Variants in FARP1 observed in about 807,000 individuals in gnomAD.
FARP1 encodes FERM, ARHGEF and pleckstrin domain-containing protein 1.
In FARP1, 52 loss-of-function variants were observed where a neutral mutation model predicts 128.8. The observed-to-expected ratio is 0.40, with a 90% CI of 0.32 to 0.51. The LOEUF (loss-of-function observed/expected upper bound fraction) is 0.51, where lower values mean the gene tolerates loss of function less well. FARP1 is among the 20% of genes least tolerant of loss of function. FARP1 has a pLI of 0.45. For synonymous variants in FARP1, 580 were observed against 551.8 expected, an observed-to-expected ratio of 1.05 and a Z score of -0.72; for missense variants, 1,333 against 1,367.9, an observed-to-expected ratio of 0.97 and a Z score of 0.40.
At chr13:98,398,680 A>T (rs536334887) in intron 13 of FARP1, 16 of 152,354 alleles carry the variant, frequency 1.1e-4, no homozygotes, top group African/African-American at 3.6e-4. Context: ...CAGTTATAAC[A>T]CATTTTTGCA....
chr13:98,409,980 C>T lies in FARP1; in HGVS notation c.1602+455C>T, dbSNP rs142174357. Among the ~76,000 whole-genome samples the T allele has an allele frequency of 3.4e-3, 517 of 152,352 alleles. 1 individual carries two copies. The highest frequency in any genetic ancestry group is 6.0e-3 in the Non-Finnish European group (405 of 68,038). Reference sequence around the variant, plus strand: ...GATGTCCCGCTGTGTGTATAAACCACACTTTGTTATCCATTCTTCTGTTAA... The same window carrying T: ...GATGTCCCGCTGTGTGTATAAACCATACTTTGTTATCCATTCTTCTGTTAA... On this transcript the variant is annotated intron_variant, in intron 14 of 26. Coordinates refer to ENST00000319562, the MANE Select transcript of FARP1 (RefSeq NM_005766.4).
At chr13:98,310,213 GTCCTAGACCGGA>G (rs1358001613) in intron 2 of FARP1, among the ~76,000 whole-genome samples, 2 of 152,048 alleles carry the variant, frequency 1.3e-5, no homozygotes, top group Admixed American at 1.3e-4. Flanking sequence ...AGCTTTGACA[GTCCTAGACCGGA>G]TCCCATCACT....
chr13:98,379,022 TA>T lies in FARP1; in HGVS notation c.496+1106del, dbSNP rs1177957300. 1.4e-4 allele frequency among the ~76,000 whole-genome samples: 11 copies of T among 79,982 alleles called. 2 individuals carry two copies. Among genetic ancestry groups the T allele is most frequent in the African/African-American group, 8.2e-4 (11 of 13,414 alleles). The allele number at this position is 79,982 out of a possible 152,430, so 52.5% of individuals were successfully genotyped here. ...ATATATACAATATATAATCTATATA[TA>T]ATATATATAATATATACAATATGTA... On this transcript the variant is annotated intron_variant, in intron 6 of 26. Transcript: ENST00000319562.
chr13:98,232,145 G>GTTTTTTTTTTTTTTTTTTTTTT lies in FARP1; in HGVS notation c.171+18753_171+18754insTTTTTTTTTTTTTTTTTTTTTT, dbSNP rs59209045. Among the ~76,000 whole-genome samples the GTTTTTTTTTTTTTTTTTTTTTT allele has an allele frequency of 6.6e-5, 7 of 105,784 alleles. 1 individual carries two copies. The highest frequency in any genetic ancestry group is 2.3e-4 in the African/African-American group (6 of 26,122). The allele number at this position is 105,784 out of a possible 152,430, so 69.4% of individuals were successfully genotyped here. On this transcript the variant is annotated intron_variant, in intron 2 of 26. Transcript: ENST00000319562. Reference sequence around the variant, plus strand: ...GTGCCCGGCTTTTTTTGTTTGGTTGGTTTTTTTTTTTTTTTTTTTTTGCTT... The same window carrying GTTTTTTTTTTTTTTTTTTTTTT: ...GTGCCCGGCTTTTTTTGTTTGGTTGGTTTTTTTTTTTTTTTTTTTTTTTTTTTTTTTTTTTTTTTTTTTGCTT...
chr13:98,337,849 C>CT lies in FARP1; in HGVS notation c.172-5906dup, dbSNP rs146838151. On this transcript the variant is annotated intron_variant, in intron 2 of 26. Transcript: ENST00000319562. ...ATTTCCAAAGATGTTCAGTTTATTC[C>CT]TTTTTTTGCCAGACATATAAAAGAG... 7.7e-3 allele frequency among the ~76,000 whole-genome samples: 1,174 copies of CT among 152,026 alleles called. 19 individuals carry two copies. Among genetic ancestry groups the CT allele is most frequent in the African/African-American group, 0.026 (1,095 of 41,448 alleles).
In FARP1 at chr13:98,410,783, C is replaced by A; in HGVS notation, c.1652C>A (p.Thr551Asn). 1 of 1,605,112 alleles carries A rather than the reference C, an allele frequency of 6.2e-7. No homozygotes were observed. Among genetic ancestry groups the A allele is most frequent in the Non-Finnish European group, 8.5e-7 (1 of 1,173,914 alleles). ...TTCATAGCTAAGGAAGTGTCTACCA[C>A]CGAGCGAACATATCTGAAGGATCTC... Reference protein sequence around the residue: ...AYFIAKEVSTTERTYLKDLEV... With the variant: ...AYFIAKEVSTNERTYLKDLEV... Residue 551 changes from threonine (T) to asparagine (N), a missense_variant, in exon 15 of 27, where the codon ACC becomes AAC. Coordinates refer to ENST00000319562, the MANE Select transcript of FARP1 (RefSeq NM_005766.4).
chr13:98,327,923 A>G (rs12428326), intron 2 of FARP1, among the ~76,000 whole-genome samples: 23,497 of 148,816 alleles, frequency 0.16, 2,067 homozygotes, highest in East Asian at 0.3. Flanking sequence ...GGTAATAGGC[A>G]TATTCAATAA....
At chr13:98,381,366 T>C (rs977601541) in intron 6 of FARP1, among the ~76,000 whole-genome samples, 6 of 152,226 alleles carry the variant, frequency 3.9e-5, no homozygotes, top group African/African-American at 1.4e-4. Context: ...TCTGGTAAGC[T>C]GATGTTCATC....
intron 2 of FARP1, among the ~76,000 whole-genome samples, chr13:98,269,687 G>A (rs556898298): frequency 6.6e-6 from 1 of 152,348 alleles, no homozygotes; most frequent in East Asian, 1.9e-4. Flanking sequence ...GTCAAGGAAG[G>A]GGTTGGGGAA....
chr13:98,149,729 C>CTTT lies in FARP1; in HGVS notation c.-24+6261_-24+6263dup, dbSNP rs71120307. Among the ~76,000 whole-genome samples the CTTT allele has an allele frequency of 7.4e-4, 39 of 52,418 alleles. 4 individuals are homozygous for CTTT. Among genetic ancestry groups the CTTT allele is most frequent in the African/African-American group, 2.2e-3 (32 of 14,786 alleles). 34.4% of individuals were successfully genotyped at this position (52,418 alleles called of 152,430 possible). On this transcript the variant is annotated intron_variant, in intron 1 of 26. Transcript: ENST00000319562. ...TTTGTGAGTGTCTGTTAGATATTTA[C>CTTT]TTTTTTTTTTTTTTTTTTTTTTTTT...
intron 2 of FARP1, chr13:98,244,567 C>T (rs1882958057): frequency 6.2e-7 from 1 of 1,614,150 alleles, no homozygotes; most frequent in Non-Finnish European, 8.5e-7. Flanking sequence ...TCCATGAAGC[C>T]CAAGCACCAT....
chr13:98,239,412 T>C (rs9652117), intron 2 of FARP1, among the ~76,000 whole-genome samples: 7,014 of 152,316 alleles, frequency 0.046, 476 homozygotes, highest in African/African-American at 0.16. Flanking sequence ...GTTTCCTTAC[T>C]GTTTTGCTTG....
intron 1 of FARP1, among the ~76,000 whole-genome samples, chr13:98,210,376 A>G (rs1880604988): frequency 6.6e-6 from 1 of 152,032 alleles, no homozygotes; most frequent in African/African-American, 2.4e-5. Flanking sequence ...CCCTGAACCC[A>G]TAGCCCAGAC....
intron 1 of FARP1, among the ~76,000 whole-genome samples, chr13:98,206,584 T>C (rs1880283534): frequency 6.6e-6 from 1 of 152,214 alleles, no homozygotes; most frequent in African/African-American, 2.4e-5. Context: ...GGTTTGGGGC[T>C]ACAGATGTCT....
At chr13:98,221,200 G>C (rs1420736776) in intron 2 of FARP1, among the ~76,000 whole-genome samples, 1 of 152,120 alleles carries the variant, frequency 6.6e-6, no homozygotes, top group Non-Finnish European at 1.5e-5. Flanking sequence ...ACACAGATTT[G>C]GTTCTCATGA....
intron 2 of FARP1, chr13:98,331,669 T>C (rs1887514964): frequency 1.3e-5 from 2 of 152,180 alleles, no homozygotes; most frequent in South Asian, 4.1e-4. Context: ...ACTTTATGTA[T>C]ATTTCCTTCA....
chr13:98,412,779 A>G (rs947264206), intron 16 of FARP1, among the ~76,000 whole-genome samples: 2 of 152,272 alleles, frequency 1.3e-5, no homozygotes, highest in Non-Finnish European at 2.9e-5. Flanking sequence ...GGTTTTGTAG[A>G]CAAATCCTAT....
At chr13:98,168,869 AG>A (rs970229409) in intron 1 of FARP1, among the ~76,000 whole-genome samples, 5 of 152,138 alleles carry the variant, frequency 3.3e-5, no homozygotes, top group African/African-American at 9.7e-5. Flanking sequence ...TGCTGTGGGC[AG>A]GGGGGATCAG....
At chr13:98,298,931 C>G (rs1199191046) in intron 2 of FARP1, among the ~76,000 whole-genome samples, 3 of 152,068 alleles carry the variant, frequency 2.0e-5, no homozygotes, top group African/African-American at 7.2e-5. Context: ...ATTTTCAGAC[C>G]TGTGCTGAAT....
Sources: gnomAD v4.1 joint callset for allele counts (sites outside exome capture counted in the v4.1 genomes callset) on GRCh38, gnomAD v4.1.1 for gene constraint, MANE v1.5 for transcripts, NCBI Gene and HGNC (gene_info 2026-07-23, HGNC 2026-07-21) for gene names.